Variants in AOPEP observed in about 807,000 individuals in gnomAD.
AOPEP encodes aminopeptidase O (putative), also known as aminopeptidase O.
Under a neutral mutation model 98.1 loss-of-function variants are expected in AOPEP, and 77 were observed. The observed-to-expected ratio is 0.78, with a 90% confidence interval of 0.65 to 0.95. The LOEUF (loss-of-function observed/expected upper bound fraction) is 0.95. Among genes scored for constraint, AOPEP ranks in the 40% least tolerant of loss-of-function variants. AOPEP has a pLI of 0.00. For missense variants in AOPEP, 1,024 were observed against 1,024.7 expected, an observed-to-expected ratio of 1.00 and a Z score of 0.01; for synonymous variants, 346 against 365.3, an observed-to-expected ratio of 0.95 and a Z score of 0.60.
intron 13 of AOPEP, among the ~76,000 whole-genome samples, chr9:95,029,483 G>A (rs2064119115): frequency 6.6e-6 from 1 of 152,022 alleles, no homozygotes; most frequent in African/African-American, 2.4e-5. Context: ...TTTTTTGTGT[G>A]CTGCGTGTCA....
At chr9:95,102,319 C>T in the AOPEP span, among the ~76,000 whole-genome samples, 6 of 152,334 alleles carry the variant, frequency 3.9e-5, no homozygotes, top group Non-Finnish European at 7.3e-5. Flanking sequence ...GGCTAGCAAC[C>T]GGACCTACTT....
chr9:95,020,302 A>C (rs527487048), intron 13 of AOPEP: 66 of 152,340 alleles, frequency 4.3e-4, no homozygotes, highest in African/African-American at 1.5e-3. Flanking sequence ...AGACAGGGAA[A>C]GGTCTGGGAG....
chr9:94,912,562 G>A (rs1588854809), intron 5 of AOPEP, among the ~76,000 whole-genome samples: 1 of 152,314 alleles, frequency 6.6e-6, no homozygotes, highest in African/African-American at 2.4e-5. Flanking sequence ...CGGTGCCATG[G>A]CTGACCGTGT....
At chr9:94,777,791 T>G (rs531650030) in intron 3 of AOPEP, among the ~76,000 whole-genome samples, 1 of 152,060 alleles carries the variant, frequency 6.6e-6, no homozygotes, top group Admixed American at 6.5e-5. Context: ...GCCCAGCTAA[T>G]TTTTGTATTC....
intron 3 of AOPEP, among the ~76,000 whole-genome samples, chr9:94,774,554 A>G (rs1369507039): frequency 6.6e-6 from 1 of 152,162 alleles, no homozygotes; most frequent in South Asian, 2.1e-4. Context: ...TGAACAATTT[A>G]CAGGTCGTTA....
At chr9:94,888,032 C>T (rs866310359) in intron 5 of AOPEP, among the ~76,000 whole-genome samples, 9 of 152,182 alleles carry the variant, frequency 5.9e-5, no homozygotes, top group African/African-American at 2.2e-4. Context: ...ACTAAACTTT[C>T]ACCTTTTTAT....
At chr9:94,907,829 A>G (rs2051396103) in intron 5 of AOPEP, among the ~76,000 whole-genome samples, 1 of 152,094 alleles carries the variant, frequency 6.6e-6, no homozygotes, top group African/African-American at 2.4e-5. Context: ...CTACCCTGCA[A>G]ATTTAAGGGC....
chr9:94,886,492 CTT>C (rs1299694707), intron 5 of AOPEP, among the ~76,000 whole-genome samples: 3 of 152,200 alleles, frequency 2.0e-5, no homozygotes, highest in African/African-American at 4.8e-5. Flanking sequence ...AGAAGGCAAA[CTT>C]GTGATAATTT....
intron 5 of AOPEP, among the ~76,000 whole-genome samples, chr9:94,876,929 CTG>C (rs2047018823): frequency 6.6e-6 from 1 of 152,146 alleles, no homozygotes; most frequent in Admixed American, 6.5e-5. Context: ...GGAGGTCTGA[CTG>C]TCTACAAAAT....
chr9:94,875,347 G>GAAAAA (rs71366265), intron 5 of AOPEP, among the ~76,000 whole-genome samples: 1,000 of 71,362 alleles, frequency 0.014, 18 homozygotes, highest in Middle Eastern at 0.036. Context: ...AATTGAGCAA[G>GAAAAA]AAAAAAAAAA....
At chr9:95,065,796 A>G (rs531502297) in intron 14 of AOPEP, among the ~76,000 whole-genome samples, 1 of 152,318 alleles carries the variant, frequency 6.6e-6, no homozygotes, top group South Asian at 2.1e-4. Context: ...GCCGTTTCTC[A>G]CAGTATGATT....
intron 13 of AOPEP, among the ~76,000 whole-genome samples, chr9:95,013,808 C>T (rs1163024608): frequency 6.6e-6 from 1 of 152,170 alleles, no homozygotes; most frequent in Non-Finnish European, 1.5e-5. Flanking sequence ...TCTGTTACTC[C>T]ATTGTCATCC....
intron 7 of AOPEP, among the ~76,000 whole-genome samples, chr9:94,953,694 C>T (rs886104037): frequency 2.6e-5 from 4 of 152,136 alleles, no homozygotes; most frequent in Admixed American, 2.0e-4. Context: ...ATACCTTCTG[C>T]ACCACCACAC....
the AOPEP span, among the ~76,000 whole-genome samples, chr9:95,125,636 TTA>T: frequency 6.6e-6 from 1 of 152,234 alleles, no homozygotes; most frequent in Non-Finnish European, 1.5e-5. Flanking sequence ...TAATTTTTCT[TTA>T]TGTTTGTTTA....
chr9:95,014,689 A>G (rs532172941), intron 13 of AOPEP, among the ~76,000 whole-genome samples: 1 of 152,264 alleles, frequency 6.6e-6, no homozygotes, highest in South Asian at 2.1e-4. Flanking sequence ...CGCTTTCTGA[A>G]GTACCTCATC....
Position 94,800,721 on chromosome 9 carries a change from A to G in AOPEP, c.1119-36A>G, listed in dbSNP as rs745464771. ...GCCTCACCTCCACAGCAAGAATAAT[A>G]AACATGTTTTACCATTTATTTTGTG... On this transcript the variant is annotated intron_variant, in intron 4 of 16. Coordinates refer to ENST00000375315, the MANE Select transcript of AOPEP (RefSeq NM_001193329.3). 15 of 1,609,196 alleles carry G rather than the reference A, an allele frequency of 9.3e-6. No homozygotes were observed. The South Asian group carries it at 1.6e-4, about 18-fold the overall frequency.
intron 5 of AOPEP, among the ~76,000 whole-genome samples, chr9:94,871,093 G>T (rs999001493): frequency 6.6e-6 from 1 of 152,194 alleles, no homozygotes; most frequent in African/African-American, 2.4e-5. Context: ...CTCTGCAAAG[G>T]TCTGTAGCCT....
chr9:94,773,511 C>T (rs1841352010), intron 3 of AOPEP, among the ~76,000 whole-genome samples: 1 of 152,022 alleles, frequency 6.6e-6, no homozygotes, highest in African/African-American at 2.4e-5. Flanking sequence ...GTTGAGTTGT[C>T]TGTGATTTGT....
At position 94,947,138 on chromosome 9, in the gene AOPEP, G is replaced by A. The variant is rs188936369; in HGVS notation, c.1662-8039G>A. 9.9e-3 allele frequency among the ~76,000 whole-genome samples: 1,484 copies of A among 150,500 alleles called. 10 individuals are homozygous for A. Among genetic ancestry groups the A allele is most frequent in the South Asian group, 0.044 (205 of 4,672 alleles). On this transcript the variant is annotated intron_variant, in intron 7 of 16. Coordinates refer to ENST00000375315, the MANE Select transcript of AOPEP (RefSeq NM_001193329.3). ...ACTACAGGCGCCTGCCACCACGCCC[G>A]GCTAATTTTTTTTTTTGTATTTTTA...
Sources: gnomAD v4.1 joint callset for allele counts (sites outside exome capture counted in the v4.1 genomes callset) on GRCh38, gnomAD v4.1.1 for gene constraint, MANE v1.5 for transcripts, NCBI Gene and HGNC (gene_info 2026-07-23, HGNC 2026-07-21) for gene names.